CEP128: variants seen among roughly 807,000 people sequenced by gnomAD.
The protein encoded by CEP128 is centrosomal protein 128kDa.
A neutral mutation model predicts 156.7 loss-of-function variants in CEP128; 132 were observed. The observed-to-expected ratio is 0.84, with a 90% CI of 0.73 to 0.97. The LOEUF (loss-of-function observed/expected upper bound fraction) is 0.97. Among genes scored for constraint, CEP128 ranks in the 50% least tolerant of loss-of-function variants. The pLI, the probability that CEP128 is intolerant of heterozygous loss-of-function variation, is 0.00. For missense variants in CEP128, 1,252 were observed against 1,281.9 expected, an observed-to-expected ratio of 0.98 and a Z score of 0.36; for synonymous variants, 469 against 448.9, an observed-to-expected ratio of 1.04 and a Z score of -0.57.
At chr14:80,618,814 T>C (rs1020353554) in intron 19 of CEP128, among the ~76,000 whole-genome samples, 1 of 152,156 alleles carries the variant, frequency 6.6e-6, no homozygotes, top group African/African-American at 2.4e-5. Flanking sequence ...AAAACCCAGG[T>C]TCCTCAATCC....
chr14:80,906,151 G>A (rs1883874953), intron 4 of CEP128, 70 bp from the exon 5 acceptor site: 1 of 1,172,794 alleles, frequency 8.5e-7, no homozygotes, highest in Non-Finnish European at 1.1e-6. Flanking sequence ...ATAGACCACA[G>A]ATTTTCAAAG....
chr14:80,683,035 A>G (rs1010218216), intron 19 of CEP128, among the ~76,000 whole-genome samples: 4 of 152,060 alleles, frequency 2.6e-5, no homozygotes, highest in Non-Finnish European at 4.4e-5. Flanking sequence ...ACTTAAGTAC[A>G]TAGCTCACAG....
rs577401171 is a variant in CEP128 at position 80,518,006 on chromosome 14, G to A, written c.3072+8863C>T. ...CAAACAGCAGTGGTGGACGGTGAGC[G>A]AAAGCTCAGCTTGAGCCGTAACAAA... On this transcript the variant is annotated intron_variant, in intron 23 of 24. Coordinates refer to ENST00000555265, the MANE Select transcript of CEP128 (RefSeq NM_152446.5). 5.9e-5 allele frequency among the ~76,000 whole-genome samples: 9 copies of A among 151,918 alleles called. No homozygotes were observed. In the East Asian group the frequency reaches 9.7e-4, roughly 16 times the overall value.
Position 80,624,621 on chromosome 14 carries a change from A to G in CEP128, c.2807-44198T>C, listed in dbSNP as rs79093217. On this transcript the variant is annotated intron_variant, in intron 19 of 24. Transcript: ENST00000555265. ...TCTGCCTTTTGATGATAAATATTCT[A>G]ACTGGGATGAGATATTTCACTGTGG... Among the ~76,000 whole-genome samples the G allele has an allele frequency of 2.6e-3, 403 of 152,136 alleles. 3 individuals are homozygous for G. Among genetic ancestry groups the G allele is most frequent in the African/African-American group, 9.5e-3 (393 of 41,510 alleles).
chr14:80,805,733 A>G (rs1306433627), intron 13 of CEP128, among the ~76,000 whole-genome samples: 1 of 152,162 alleles, frequency 6.6e-6, no homozygotes, highest in Non-Finnish European at 1.5e-5. Flanking sequence ...CAAGTAATCA[A>G]TTTTCCACAG....
At chr14:80,901,662 G>A (rs1418319775) in intron 6 of CEP128, among the ~76,000 whole-genome samples, 1 of 152,200 alleles carries the variant, frequency 6.6e-6, no homozygotes, top group Non-Finnish European at 1.5e-5. Context: ...ATCCGGGGAT[G>A]CATCCTTGAC....
At chr14:80,654,694 A>T (rs2140867432) in intron 19 of CEP128, among the ~76,000 whole-genome samples, 1 of 152,068 alleles carries the variant, frequency 6.6e-6, no homozygotes, top group East Asian at 1.9e-4. Flanking sequence ...ATTTTATAAA[A>T]ACATTTTCTC....
chr14:80,866,114 C>T (rs1887756349), intron 8 of CEP128, among the ~76,000 whole-genome samples: 1 of 152,120 alleles, frequency 6.6e-6, no homozygotes, highest in Admixed American at 6.5e-5. Flanking sequence ...ACCAGGCCCA[C>T]CTCCAGGAAC....
At chr14:80,532,023 C>T (rs1889250056) in intron 21 of CEP128, among the ~76,000 whole-genome samples, 1 of 152,160 alleles carries the variant, frequency 6.6e-6, no homozygotes, top group Non-Finnish European at 1.5e-5. Flanking sequence ...CACACAATAA[C>T]CTCTACTGTG....
intron 19 of CEP128, among the ~76,000 whole-genome samples, chr14:80,699,172 C>T (rs1191758948): frequency 6.6e-6 from 1 of 152,202 alleles, no homozygotes; most frequent in Non-Finnish European, 1.5e-5. Flanking sequence ...AGGGATACGT[C>T]AGCCTCTGCC....
intron 2 of CEP128, among the ~76,000 whole-genome samples, chr14:80,923,143 C>T (rs1884966895): frequency 6.6e-6 from 1 of 152,216 alleles, no homozygotes. Context: ...CTGCTCCCAA[C>T]AAATCAGTAT....
intron 19 of CEP128, among the ~76,000 whole-genome samples, chr14:80,680,403 C>T (rs1004771186): frequency 2.6e-5 from 4 of 152,148 alleles, no homozygotes; most frequent in Admixed American, 1.3e-4. Flanking sequence ...CTGGTGAGCA[C>T]GGCCCTCTGC....
intron 21 of CEP128, among the ~76,000 whole-genome samples, chr14:80,549,831 T>A (rs1169533450): frequency 6.6e-6 from 1 of 152,164 alleles, no homozygotes; most frequent in Non-Finnish European, 1.5e-5. Flanking sequence ...TGAAGCACAA[T>A]TAGTGTTAGA....
At chr14:80,510,692 G>A (rs905210810) in intron 23 of CEP128, among the ~76,000 whole-genome samples, 2 of 152,028 alleles carry the variant, frequency 1.3e-5, no homozygotes, top group African/African-American at 4.8e-5. Context: ...TAGAGGAAGG[G>A]TTTTCAGTTG....
intron 19 of CEP128, among the ~76,000 whole-genome samples, chr14:80,637,684 G>A (rs533933312): frequency 1.3e-5 from 2 of 152,216 alleles, no homozygotes; most frequent in East Asian, 3.9e-4. Flanking sequence ...GTCTTAAACC[G>A]TGAAACCTGT....
At chr14:80,743,987 C>T (rs932776633) in intron 18 of CEP128, among the ~76,000 whole-genome samples, 2 of 151,830 alleles carry the variant, frequency 1.3e-5, no homozygotes, top group African/African-American at 2.4e-5. Flanking sequence ...TCCTCCTGCT[C>T]AGCCTCCTCA....
At chr14:80,506,867 C>G (rs1160549772) in intron 23 of CEP128, among the ~76,000 whole-genome samples, 1 of 152,036 alleles carries the variant, frequency 6.6e-6, no homozygotes, top group African/African-American at 2.4e-5. Flanking sequence ...GGTATTTTCC[C>G]ATGCCCCAAT....
At chr14:80,891,655 T>C (rs1403057610) in intron 8 of CEP128, among the ~76,000 whole-genome samples, 1 of 150,940 alleles carries the variant, frequency 6.6e-6, no homozygotes, top group Non-Finnish European at 1.5e-5. Flanking sequence ...CCATAGTCAA[T>C]ATGAATTTAA....
chr14:80,601,959 T>C (rs186070181), intron 19 of CEP128, among the ~76,000 whole-genome samples: 2 of 152,302 alleles, frequency 1.3e-5, no homozygotes, highest in Admixed American at 6.5e-5. Flanking sequence ...AATTCAACTT[T>C]ATGCTATCTA....
Sources: gnomAD v4.1 joint callset for allele counts (sites outside exome capture counted in the v4.1 genomes callset) on GRCh38, gnomAD v4.1.1 for gene constraint, MANE v1.5 for transcripts, NCBI Gene and HGNC (gene_info 2026-07-23, HGNC 2026-07-21) for gene names.